Variants in NRG3 observed in about 807,000 individuals in gnomAD.
NRG3 encodes the protein pro-neuregulin-3, membrane-bound isoform.
A neutral mutation model predicts 66.9 loss-of-function variants in NRG3; 31 were observed. The observed-to-expected ratio is 0.46, with a 90% CI of 0.35 to 0.63. NRG3 has a LOEUF of 0.63. Ranked by LOEUF, NRG3 falls within the 20% of genes least tolerant of loss-of-function variation. The probability of loss-of-function intolerance (pLI) is 0.00; values close to 1 mark genes in which losing one functional copy is unlikely to be tolerated. For synonymous variants in NRG3, 393 were observed against 359.4 expected, an observed-to-expected ratio of 1.09 and a Z score of -1.06; for missense variants, 910 against 878.9, an observed-to-expected ratio of 1.04 and a Z score of -0.45.
chr10:82,583,153 G>A (rs1313334220), intron 2 of NRG3, among the ~76,000 whole-genome samples: 1 of 152,118 alleles, frequency 6.6e-6, no homozygotes, highest in African/African-American at 2.4e-5. Context: ...TTAAAAAATA[G>A]TGACAAAAAT....
At chr10:82,312,129 C>T (rs1382255619) in intron 1 of NRG3, among the ~76,000 whole-genome samples, 1 of 152,116 alleles carries the variant, frequency 6.6e-6, no homozygotes, top group Non-Finnish European at 1.5e-5. Flanking sequence ...TTTTCTTCTA[C>T]CTGAATACTC....
At chr10:82,797,735 T>G (rs897138552) in intron 3 of NRG3, among the ~76,000 whole-genome samples, 1 of 152,194 alleles carries the variant, frequency 6.6e-6, no homozygotes, top group African/African-American at 2.4e-5. Flanking sequence ...TTGTCTCATC[T>G]GCTAGTGATG....
intron 1 of NRG3, among the ~76,000 whole-genome samples, chr10:82,188,402 A>C (rs1353401317): frequency 1.3e-5 from 2 of 152,178 alleles, no homozygotes; most frequent in African/African-American, 4.8e-5. Context: ...GTCTAGGCAA[A>C]GATTTTTTGA....
Position 82,839,762 on chromosome 10 carries a change from C to T in NRG3, c.1028-25649C>T, listed in dbSNP as rs560469026. On this transcript the variant is annotated intron_variant, in intron 3 of 8. Transcript: ENST00000372141. ...ACATGAATATATATTTATATGGAAA[C>T]GTATACTTATAAATGATAAAAGACC... is the stretch of plus-strand genomic sequence containing the variant. Among the ~76,000 whole-genome samples, 241 of 151,770 alleles carry T rather than the reference C, an allele frequency of 1.6e-3. 1 individual carries two copies. The Middle Eastern group carries it at 0.034, about 21-fold the overall frequency.
intron 8 of NRG3, among the ~76,000 whole-genome samples, chr10:82,982,097 G>A (rs1375736558): frequency 1.3e-5 from 2 of 152,290 alleles, no homozygotes; most frequent in Middle Eastern, 3.4e-3. Flanking sequence ...CAAGGAATGT[G>A]AAGAAAAATC....
At chr10:82,140,907 C>G (rs1025704878) in intron 1 of NRG3, among the ~76,000 whole-genome samples, 15 of 151,964 alleles carry the variant, frequency 9.9e-5, no homozygotes, top group Admixed American at 9.8e-4. Flanking sequence ...TTAGCCTTAC[C>G]TAGCTTGATT....
At chr10:82,360,829 T>C (rs1474983906) in intron 2 of NRG3, among the ~76,000 whole-genome samples, 1 of 152,098 alleles carries the variant, frequency 6.6e-6, no homozygotes, top group Non-Finnish European at 1.5e-5. Context: ...TGTAGGTGTT[T>C]GTGTTCAGAG....
intron 1 of NRG3, among the ~76,000 whole-genome samples, chr10:82,280,905 G>A (rs1279775492): frequency 2.6e-5 from 4 of 152,206 alleles, no homozygotes; most frequent in East Asian, 1.9e-4. Context: ...ACCCAGAGCA[G>A]ACCCATGCCT....
chr10:82,547,560 T>C (rs1001184302), intron 2 of NRG3, among the ~76,000 whole-genome samples: 1 of 151,668 alleles, frequency 6.6e-6, no homozygotes, highest in Non-Finnish European at 1.5e-5. Flanking sequence ...TGCATATATG[T>C]ATATACACTG....
Position 82,700,814 on chromosome 10 carries a change from A to G in NRG3, c.954-37763A>G, listed in dbSNP as rs549457002. On this transcript the variant is annotated intron_variant, in intron 2 of 8. Transcript: ENST00000372141. ...GAATGCAAGGAGTCCAGCAGAAGAAATAAATAAATAATTGGCCAATTAAAT... is the reference window on the plus strand; with the variant it reads ...GAATGCAAGGAGTCCAGCAGAAGAAGTAAATAAATAATTGGCCAATTAAAT... Among the ~76,000 whole-genome samples, 3 of 152,274 alleles carry G rather than the reference A, an allele frequency of 2.0e-5. 1 individual carries two copies. The highest frequency in any genetic ancestry group is 7.2e-5 in the African/African-American group (3 of 41,574).
At chr10:81,956,516 C>T (rs1849849607) in intron 1 of NRG3, among the ~76,000 whole-genome samples, 1 of 152,154 alleles carries the variant, frequency 6.6e-6, no homozygotes. Context: ...CAAGATAATG[C>T]ATTAGCCATC....
intron 2 of NRG3, among the ~76,000 whole-genome samples, chr10:82,418,425 A>AATATTT (rs2088772864): frequency 6.6e-6 from 1 of 152,194 alleles, no homozygotes; most frequent in South Asian, 2.1e-4. Flanking sequence ...AGTTTATGCA[A>AATATTT]ATGTTTATGC....
intron 3 of NRG3, among the ~76,000 whole-genome samples, chr10:82,770,668 G>A (rs937838241): frequency 6.6e-5 from 10 of 152,092 alleles, no homozygotes; most frequent in African/African-American, 1.9e-4. Context: ...AGGTTAAGCA[G>A]CATCAGAATG....
chr10:82,687,080 C>A (rs532142625), intron 2 of NRG3, among the ~76,000 whole-genome samples: 1 of 152,290 alleles, frequency 6.6e-6, no homozygotes, highest in African/African-American at 2.4e-5. Context: ...AGTCATCATG[C>A]CCTCCGGAGC....
intron 1 of NRG3, among the ~76,000 whole-genome samples, chr10:82,268,632 T>C (rs1233260130): frequency 6.6e-6 from 1 of 152,122 alleles, no homozygotes; most frequent in Non-Finnish European, 1.5e-5. Flanking sequence ...TGGGCCAATG[T>C]AAAATTGTGT....
chr10:82,476,098 C>T (rs1242037423), intron 2 of NRG3, among the ~76,000 whole-genome samples: 2 of 152,098 alleles, frequency 1.3e-5, no homozygotes, highest in African/African-American at 4.8e-5. Context: ...TCAACATCAA[C>T]AATCACTAGG....
chr10:82,264,204 A>G (rs887278097), intron 1 of NRG3, among the ~76,000 whole-genome samples: 7 of 152,186 alleles, frequency 4.6e-5, no homozygotes, highest in African/African-American at 7.2e-5. Flanking sequence ...AGACTGGGTA[A>G]TTTATAAAGT....
intron 2 of NRG3, among the ~76,000 whole-genome samples, chr10:82,404,684 G>C (rs1386391463): frequency 6.6e-6 from 1 of 152,138 alleles, no homozygotes; most frequent in Non-Finnish European, 1.5e-5. Flanking sequence ...TATTTGCTAA[G>C]GGATTAGTAA....
chr10:82,794,913 G>C (rs2060734909), intron 3 of NRG3, among the ~76,000 whole-genome samples: 1 of 152,134 alleles, frequency 6.6e-6, no homozygotes, highest in South Asian at 2.1e-4. Flanking sequence ...ATTGGTGACA[G>C]ACAAAGGGAA....
Sources: allele counts gnomAD v4.1 joint callset (sites outside exome capture counted in the v4.1 genomes callset), GRCh38; gene constraint gnomAD v4.1.1; transcripts MANE v1.5; gene names NCBI Gene and HGNC (gene_info 2026-07-23, HGNC 2026-07-21).